CALHM3: variants seen among roughly 807,000 people sequenced by gnomAD.
CALHM3 encodes calcium homeostasis modulator 3.
In CALHM3, 9 loss-of-function variants were observed where a neutral mutation model predicts 13.6. The observed-to-expected ratio is 0.66, with a 90% confidence interval of 0.40 to 1.15. The LOEUF (loss-of-function observed/expected upper bound fraction) is 1.15, where lower values mean the gene tolerates loss of function less well. CALHM3 is among the 50% of genes most tolerant of loss of function. The probability of loss-of-function intolerance (pLI) is 0.01; values close to 1 mark genes in which losing one functional copy is unlikely to be tolerated. For missense variants in CALHM3, 497 were observed against 463.4 expected, an observed-to-expected ratio of 1.07 and a Z score of -0.67; for synonymous variants, 231 against 213.2, an observed-to-expected ratio of 1.08 and a Z score of -0.73.
rs1441857268 is a variant in CALHM3, at chr10:103,476,280, A to G, written c.543+14T>C. ...GTGAGGGTGCAAGGGCCGGGGGAGGATCACCCCAGTTACCTGTGACAGGCA... is the reference window on the plus strand; with the variant it reads ...GTGAGGGTGCAAGGGCCGGGGGAGGGTCACCCCAGTTACCTGTGACAGGCA... On this transcript the variant is annotated intron_variant, in intron 2 of 2. Coordinates refer to ENST00000369783, the MANE Select transcript of CALHM3 (RefSeq NM_001129742.2). 6.4e-7 allele frequency: 1 copy of G among 1,550,638 alleles called. No homozygotes were observed. Among genetic ancestry groups the G allele is most frequent in the East Asian group, 2.4e-5 (1 of 40,912 alleles).
At chr10:103,475,563 A>G (rs937783593) in intron 2 of CALHM3, among the ~76,000 whole-genome samples, 1 of 152,202 alleles carries the variant, frequency 6.6e-6, no homozygotes, top group African/African-American at 2.4e-5. Context: ...TCCCATGGCC[A>G]CGGTCACAGT....
chr10:103,478,226 A>G (rs1228910843), intron 1 of CALHM3, among the ~76,000 whole-genome samples: 2 of 152,172 alleles, frequency 1.3e-5, no homozygotes, highest in Admixed American at 6.5e-5. Context: ...TTTTAATCCA[A>G]TTCTATTTCT....
intron 2 of CALHM3, among the ~76,000 whole-genome samples, chr10:103,474,864 A>T (rs918106007): frequency 1.3e-5 from 2 of 152,206 alleles, no homozygotes; most frequent in Non-Finnish European, 2.9e-5. Context: ...TGTGCTAAGA[A>T]CTAGGGGCTC....
Position 103,476,364 on chromosome 10 carries a change from T to A in CALHM3, c.473A>T (p.Lys158Met). 6.4e-7 allele frequency: 1 copy of A among 1,551,706 alleles called. No individual in the cohort carries two copies. Among genetic ancestry groups the A allele is most frequent in the Non-Finnish European group, 8.7e-7 (1 of 1,146,994 alleles). The change falls in exon 2 of 3, where the codon AAG (lysine) becomes ATG (methionine). Residue 158 changes from lysine (K) to methionine (M), a missense_variant. Coordinates refer to ENST00000369783, the MANE Select transcript of CALHM3 (RefSeq NM_001129742.2). ...VQLFLAKVPC[K>M]EDELVRDSPA... ...GCTATCCCTGACCAGCTCATCCTCC[T>A]TGCAGGGAACCTTGGCCAGGAAGAG...
chr10:103,474,935 G>C lies in CALHM3; in HGVS notation c.544-1231C>G, dbSNP rs868140059. Among the ~76,000 whole-genome samples the C allele has an allele frequency of 3.3e-5, 5 of 152,196 alleles. No homozygotes were observed. In the South Asian group the frequency reaches 6.2e-4, roughly 19 times the overall value. On this transcript the variant is annotated intron_variant, in intron 2 of 2. Transcript: ENST00000369783. ...GGAAATAGATGATTAAATAGGTGAT[G>C]ACTGGGTACTTGTCATAGAGAGGGA...
At position 103,478,718 on chromosome 10, in the gene CALHM3, T is replaced by C. The variant is rs1251060721; in HGVS notation, c.287+28A>G. 11 of 1,488,202 alleles carry C rather than the reference T, an allele frequency of 7.4e-6. 1 individual carries two copies. The South Asian group carries it at 1.2e-4, about 16-fold the overall frequency. The allele number at this position is 1,488,202 out of a possible 1,614,324, so 92.2% of individuals were successfully genotyped here. A position where few individuals can be genotyped will look rare whatever the true frequency, so the allele number is the denominator to read the frequency against. ...GCTGGGGAGCCCCTGGCAAAGCTCA[T>C]GGGTCACTGAGTGGTGTGGGACCGC... On this transcript the variant is annotated intron_variant, in intron 1 of 2. Coordinates refer to ENST00000369783, the MANE Select transcript of CALHM3 (RefSeq NM_001129742.2).
chr10:103,474,879 G>A (rs571898074), intron 2 of CALHM3, among the ~76,000 whole-genome samples: 6 of 152,144 alleles, frequency 3.9e-5, no homozygotes, highest in Non-Finnish European at 8.8e-5. Context: ...GGGCTCAGTC[G>A]TTGCTCTCAC....
rs1192649541 is a variant in CALHM3, at chr10:103,473,042, C to T, written c.*171G>A. On this transcript the variant is annotated 3_prime_UTR_variant, in exon 3 of 3. Transcript: ENST00000369783. ...CGAGTCCACATTAAAGTTTGTGAAGCGCGCTGGAGGCCACACCCAGAAACT... is the reference window on the plus strand; with the variant it reads ...CGAGTCCACATTAAAGTTTGTGAAGTGCGCTGGAGGCCACACCCAGAAACT... 4.9e-6 allele frequency: 3 copies of T among 617,096 alleles called. No individual in the cohort carries two copies. Among genetic ancestry groups the T allele is most frequent in the African/African-American group, 1.9e-5 (1 of 52,466 alleles). 38.2% of individuals were successfully genotyped at this position (617,096 alleles called of 1,614,324 possible).
At position 103,479,163 on chromosome 10, in the gene CALHM3, A is replaced by C. The variant is rs2033429164; in HGVS notation, c.-131T>G. 2 of 1,086,402 alleles carry C rather than the reference A, an allele frequency of 1.8e-6. No individual in the cohort carries two copies. The highest frequency in any genetic ancestry group is 5.2e-5 in the East Asian group (2 of 38,354). The allele number at this position is 1,086,402 out of a possible 1,614,324, so 67.3% of individuals were successfully genotyped here. On this transcript the variant is annotated 5_prime_UTR_variant, in exon 1 of 3. Coordinates refer to ENST00000369783, the MANE Select transcript of CALHM3 (RefSeq NM_001129742.2). ...TTCTCTCTCTGCTTCCAAGGGCCTGAGGGGCCAAGGAGGAAGCAGTGCCCA... is the reference window on the plus strand; with the variant it reads ...TTCTCTCTCTGCTTCCAAGGGCCTGCGGGGCCAAGGAGGAAGCAGTGCCCA...
intron 1 of CALHM3, among the ~76,000 whole-genome samples, chr10:103,477,222 C>T (rs997302561): frequency 6.6e-6 from 1 of 152,168 alleles, no homozygotes; most frequent in African/African-American, 2.4e-5. Context: ...AGGAGCCCAC[C>T]CTCTGACCGG....
rs2033341003 is a variant in CALHM3 at position 103,473,132 on chromosome 10, C to T, written c.*81G>A. 2 of 1,263,066 alleles carry T rather than the reference C, an allele frequency of 1.6e-6. No homozygotes were observed. Among genetic ancestry groups the T allele is most frequent in the East Asian group, 6.3e-5 (2 of 31,952 alleles). The allele number at this position is 1,263,066 out of a possible 1,614,324, so 78.2% of individuals were successfully genotyped here. A position where few individuals can be genotyped will look rare whatever the true frequency, so the allele number is the denominator to read the frequency against. ...ACTTAGGGTGCCTGCCGTGGGGTCCCCACGGCCTGGAAAGACTCCAGAACT... is the reference window on the plus strand; with the variant it reads ...ACTTAGGGTGCCTGCCGTGGGGTCCTCACGGCCTGGAAAGACTCCAGAACT... On this transcript the variant is annotated 3_prime_UTR_variant, in exon 3 of 3. Transcript: ENST00000369783.
chr10:103,478,704 C>G, intron 1 of CALHM3, 42 bp downstream of exon 1: 1 of 1,469,110 alleles, frequency 6.8e-7, no homozygotes, highest in Non-Finnish European at 9.1e-7. Context: ...CTGGGGAGCC[C>G]CTGGCAAAGC....
rs2033344288 is a variant in CALHM3, at chr10:103,473,312, CAGCGG to C, written c.931_935del (p.Pro311GlyfsTer14). The stretch of plus-strand genomic sequence containing the variant: ...AGAGCCCGGGGGATGCAGCCAGGTC[CAGCGG>C]CGGCTTGCTGGAGTACCACGTGCTT... On this transcript the variant is annotated frameshift_variant, in exon 3 of 3. Coordinates refer to ENST00000369783, the MANE Select transcript of CALHM3 (RefSeq NM_001129742.2). LOFTEE classifies it low-confidence loss of function (END_TRUNC). The C allele has an allele frequency of 6.7e-7, 1 of 1,493,078 alleles. No homozygotes were observed. Among genetic ancestry groups the C allele is most frequent in the Non-Finnish European group, 9.0e-7 (1 of 1,116,818 alleles). 92.5% of individuals were successfully genotyped at this position (1,493,078 alleles called of 1,614,324 possible).
intron 1 of CALHM3, among the ~76,000 whole-genome samples, chr10:103,477,013 T>G (rs1160095440): frequency 6.6e-6 from 1 of 152,238 alleles, no homozygotes; most frequent in Non-Finnish European, 1.5e-5. Flanking sequence ...TCCCAGCTTC[T>G]TAAATCCTCA....
chr10:103,477,877 C>T (rs922617571), intron 1 of CALHM3, among the ~76,000 whole-genome samples: 1 of 152,096 alleles, frequency 6.6e-6, no homozygotes, highest in African/African-American at 2.4e-5. Context: ...CTGGCCCCCC[C>T]ACCCAATCTC....
rs180735861 is a variant in CALHM3, at chr10:103,476,447, G to A, written c.390C>T (p.Ser130=). ...DGKCFVCAFS[S]SVDPEKFLDF... is the part of the protein sequence containing the mutation. ...CCAGAAACTTCTCAGGGTCCACAGA[G>A]CTGCTGAAGGCACACACGAAGCACT... The change falls in exon 2 of 3, where the codon AGC becomes AGT. Residue 130 remains serine, a synonymous_variant. Transcript: ENST00000369783. The A allele has an allele frequency of 6.5e-5, 101 of 1,551,722 alleles. No individual in the cohort carries two copies. The African/African-American group carries it at 8.7e-4, about 13-fold the overall frequency.
intron 1 of CALHM3, among the ~76,000 whole-genome samples, chr10:103,477,465 T>C (rs2033402986): frequency 6.6e-6 from 1 of 152,218 alleles, no homozygotes; most frequent in Non-Finnish European, 1.5e-5. Context: ...TGTTTCTGAA[T>C]TGGATTGTAC....
In CALHM3 at chr10:103,473,541, C is replaced by T. The variant is rs1307890715; in HGVS notation, c.707G>A (p.Arg236Gln). ...CAGCACGCAGCGGTGCGCGAAGTCC[C>T]GCGCATGCTCACAGCAGGTCTCGTC... Reference protein sequence around the residue: ...LFDETCCEHARDFAHRCVLHF... With the variant: ...LFDETCCEHAQDFAHRCVLHF... Residue 236 changes from arginine to glutamine, a missense_variant, in exon 3 of 3, where the codon CGG becomes CAG. Arg to Gln is a conservative substitution (Grantham distance 43, BLOSUM62 1). Transcript: ENST00000369783. 4 of 1,551,090 alleles carry T rather than the reference C, an allele frequency of 2.6e-6. No homozygotes were observed. Among genetic ancestry groups the T allele is most frequent in the Non-Finnish European group, 2.6e-6 (3 of 1,147,022 alleles).
chr10:103,479,004 T>C lies in CALHM3; in HGVS notation c.29A>G (p.His10Arg). The C allele has an allele frequency of 1.3e-6, 2 of 1,551,438 alleles. No individual in the cohort carries two copies. Among genetic ancestry groups the C allele is most frequent in the Non-Finnish European group, 1.7e-6 (2 of 1,146,876 alleles). Reference protein sequence around the residue: MDKFRMLFQHFQSSSESVMN... With the variant: MDKFRMLFQRFQSSSESVMN... Reference sequence around the variant, plus strand: ...CACCGACTCCGAGCTTGACTGGAAGTGCTGGAAGAGCATGCGGAATTTATC... The same window carrying C: ...CACCGACTCCGAGCTTGACTGGAAGCGCTGGAAGAGCATGCGGAATTTATC... The change falls in exon 1 of 3, where the codon CAC becomes CGC. Residue 10 changes from histidine (H) to arginine (R), a missense_variant. Transcript: ENST00000369783.
Sources: gnomAD v4.1 joint callset for allele counts (sites outside exome capture counted in the v4.1 genomes callset) on GRCh38, gnomAD v4.1.1 for gene constraint, MANE v1.5 for transcripts, NCBI Gene and HGNC (gene_info 2026-07-23, HGNC 2026-07-21) for gene names.